Variants in MEAK7 observed in about 807,000 individuals in gnomAD.
The protein encoded by MEAK7 is MTOR associated protein MEAK7.
In MEAK7, 68 loss-of-function variants were observed where a neutral mutation model predicts 40.5. The ratio of observed to expected loss-of-function variants is 1.68; its 90% confidence interval spans 1.38 to 2.06. The LOEUF is 2.06. Ranked by LOEUF, MEAK7 falls within the 30% of genes most tolerant of loss-of-function variation. The pLI, the probability that MEAK7 is intolerant of heterozygous loss-of-function variation, is 0.00. For synonymous variants in MEAK7, 338 were observed against 231.9 expected (o/e 1.46, Z -4.16); for missense variants, 918 against 580.5 (o/e 1.58, Z -5.98).
At position 84,489,297 on chromosome 16, in the gene MEAK7, G is replaced by A. The variant is rs770708822; in HGVS notation, c.510C>T (p.Leu170=). The change falls in exon 4 of 8, where the codon CTC becomes CTT. Residue 170 remains leucine, a synonymous_variant. Coordinates refer to ENST00000343629, the MANE Select transcript of MEAK7 (RefSeq NM_020947.4). ...PRVQVLAAQL[L]SDMKLQDGKR... is the part of the protein sequence containing the mutation. ...ACTTGCCTTGCAGCTTCATGTCAGA[G>A]AGCAGCTGAGCAGCCAGCACCTGCA... 7 of 1,613,980 alleles carry A rather than the reference G, an allele frequency of 4.3e-6. No homozygotes were observed. Among genetic ancestry groups the A allele is most frequent in the South Asian group, 1.1e-5 (1 of 91,064 alleles).
intron 5 of MEAK7, among the ~76,000 whole-genome samples, chr16:84,483,047 G>A (rs774247001): frequency 1.3e-5 from 2 of 152,204 alleles, no homozygotes; most frequent in African/African-American, 2.4e-5. Flanking sequence ...TTTAGCTTAT[G>A]AGCACGGGGC....
intron 2 of MEAK7, 57 bp from the exon 3 acceptor site, chr16:84,495,970 C>A: frequency 1.3e-6 from 2 of 1,578,694 alleles, no homozygotes; most frequent in East Asian, 2.2e-5. Flanking sequence ...AACTTGGTTA[C>A]TAGGAGTTAT....
At chr16:84,484,395 T>G (rs945705052) in intron 5 of MEAK7, among the ~76,000 whole-genome samples, 2 of 152,222 alleles carry the variant, frequency 1.3e-5, no homozygotes, top group Non-Finnish European at 2.9e-5. Context: ...CAGCATGGTT[T>G]CGTGTAATTC....
chr16:84,492,369 G>C (rs1913691740), intron 3 of MEAK7, among the ~76,000 whole-genome samples: 1 of 152,010 alleles, frequency 6.6e-6, no homozygotes, highest in South Asian at 2.1e-4. Context: ...AAATTTAATA[G>C]ATTTGTTTAT....
At position 84,479,826 on chromosome 16, in the gene MEAK7, A is replaced by T; in HGVS notation, c.*87T>A. On this transcript the variant is annotated 3_prime_UTR_variant, in exon 8 of 8. Coordinates refer to ENST00000343629, the MANE Select transcript of MEAK7 (RefSeq NM_020947.4). ...CCGTGCGGTACGCTATTACAGTTAA[A>T]CCATGTGGGAGGGAAGAGGGGCTGC... is the stretch of plus-strand genomic sequence containing the variant. 1 of 1,023,968 alleles carries T rather than the reference A, an allele frequency of 9.8e-7. No homozygotes were observed. Among genetic ancestry groups the T allele is most frequent in the South Asian group, 1.8e-5 (1 of 55,022 alleles). The allele number at this position is 1,023,968 out of a possible 1,614,324, so 63.4% of individuals were successfully genotyped here. A position where few individuals can be genotyped will look rare whatever the true frequency, so the allele number is the denominator to read the frequency against.
chr16:84,498,254 G>C, intron 1 of MEAK7, 143 bp from the exon 2 acceptor site: 2 of 1,020,378 alleles, frequency 2.0e-6, no homozygotes, highest in Non-Finnish European at 2.7e-6. Context: ...ACATAATACT[G>C]GGTTTTGGGT....
chr16:84,495,919 G>A lies in MEAK7; in HGVS notation c.154-6C>T, dbSNP rs377126219. ...AGAGCTTCCCCGACGTGGTTCTGCCGGGGACAAGCAGAAAAATATGGTTAG... is the reference window on the plus strand; with the variant it reads ...AGAGCTTCCCCGACGTGGTTCTGCCAGGGACAAGCAGAAAAATATGGTTAG... On this transcript the variant is annotated splice_region_variant and splice_polypyrimidine_tract_variant and intron_variant, in intron 2 of 7. Transcript: ENST00000343629. The A allele has an allele frequency of 7.1e-5, 115 of 1,613,496 alleles. No homozygotes were observed. Among genetic ancestry groups the A allele is most frequent in the Admixed American group, 2.2e-4 (13 of 59,986 alleles).
chr16:84,481,672 G>A (rs145681087), intron 6 of MEAK7, among the ~76,000 whole-genome samples: 33 of 152,268 alleles, frequency 2.2e-4, no homozygotes, highest in African/African-American at 7.0e-4. Context: ...AGTGGCTCAC[G>A]CCTGTAATCC....
chr16:84,487,110 G>C (rs759992133), intron 4 of MEAK7, 51 bp from the exon 5 acceptor site: 2 of 1,549,934 alleles, frequency 1.3e-6, no homozygotes, highest in Admixed American at 1.9e-5. Flanking sequence ...TCACCATTTA[G>C]CTACTATCTA....
At chr16:84,502,345 C>A (rs1390895631) in intron 1 of MEAK7, among the ~76,000 whole-genome samples, 1 of 150,184 alleles carries the variant, frequency 6.7e-6, no homozygotes, top group Non-Finnish European at 1.5e-5. Context: ...TGCTAAAAAT[C>A]CTACAGTGCA....
At chr16:84,494,884 C>A in intron 3 of MEAK7, 2 of 436,854 alleles carry the variant, frequency 4.6e-6, no homozygotes, top group South Asian at 1.6e-5. Context: ...ATTCACTCTG[C>A]CAAAAGGAAA....
At chr16:84,483,952 G>A (rs1180996339) in intron 5 of MEAK7, among the ~76,000 whole-genome samples, 1 of 152,326 alleles carries the variant, frequency 6.6e-6, no homozygotes, top group South Asian at 2.1e-4. Flanking sequence ...ACAGACTCAG[G>A]CTTGCTTCAC....
chr16:84,502,302 C>T (rs575411691), intron 1 of MEAK7, among the ~76,000 whole-genome samples: 1 of 151,672 alleles, frequency 6.6e-6, no homozygotes, highest in Non-Finnish European at 1.5e-5. Context: ...AGGGGAGTGC[C>T]GTTGGCATCT....
intron 5 of MEAK7, among the ~76,000 whole-genome samples, chr16:84,484,966 T>C (rs763773380): frequency 9.9e-5 from 15 of 152,214 alleles, no homozygotes; most frequent in Non-Finnish European, 1.8e-4. Flanking sequence ...CCATCTGAAA[T>C]TAACATTAAA....
chr16:84,495,530 T>A lies in MEAK7; in HGVS notation c.384+153A>T. ...ACAGGCCTCTCTCCCAGACATGCCC[T>A]TAACCTTGGCAAAATAAACTCCGAT... On this transcript the variant is annotated intron_variant, in intron 3 of 7. Transcript: ENST00000343629. 5.6e-6 allele frequency: 4 copies of A among 710,410 alleles called. No homozygotes were observed. The Middle Eastern group carries it at 1.6e-3, about 284-fold the overall frequency. 44.0% of individuals were successfully genotyped at this position (710,410 alleles called of 1,614,324 possible). A position where few individuals can be genotyped will look rare whatever the true frequency, so the allele number is the denominator to read the frequency against.
chr16:84,485,081 T>C (rs1912915301), intron 5 of MEAK7, among the ~76,000 whole-genome samples: 1 of 152,144 alleles, frequency 6.6e-6, no homozygotes, highest in Non-Finnish European at 1.5e-5. Flanking sequence ...CAATGTGTAA[T>C]TTCCCCGGAG....
intron 5 of MEAK7, among the ~76,000 whole-genome samples, chr16:84,483,195 G>C (rs756446354): frequency 4.4e-4 from 67 of 152,300 alleles, no homozygotes; most frequent in Middle Eastern, 3.4e-3. Context: ...GCTGTCCCCA[G>C]GGGCACGGCC....
At chr16:84,497,670 T>TA (rs1567504406) in intron 2 of MEAK7, 2 of 1,460,712 alleles carry the variant, frequency 1.4e-6, no homozygotes, top group Non-Finnish European at 1.8e-6. Flanking sequence ...TAAGAGACTA[T>TA]TGATTTCAAA....
At chr16:84,489,678 A>G (rs1246459331) in intron 3 of MEAK7, among the ~76,000 whole-genome samples, 28 of 152,164 alleles carry the variant, frequency 1.8e-4, no homozygotes, top group Admixed American at 1.8e-3. Flanking sequence ...CCGAGGATGG[A>G]CAGCTCCACA....
Sources: gnomAD v4.1 joint callset for allele counts (sites outside exome capture counted in the v4.1 genomes callset) on GRCh38, gnomAD v4.1.1 for gene constraint, MANE v1.5 for transcripts, NCBI Gene and HGNC (gene_info 2026-07-23, HGNC 2026-07-21) for gene names.